The following MEGF11 variants were observed in gnomAD, a reference collection of about 807,000 sequenced individuals.
MEGF11 encodes multiple EGF like domains 11.
Under a neutral mutation model 146.6 loss-of-function variants are expected in MEGF11, and 126 were observed. The ratio of observed to expected loss-of-function variants is 0.86; its 90% CI spans 0.74 to 1.00. The LOEUF is 1.00. Among genes scored for constraint, MEGF11 ranks in the 50% least tolerant of loss-of-function variants. The probability of loss-of-function intolerance (pLI) is 0.00; values close to 1 mark genes in which losing one functional copy is unlikely to be tolerated. For synonymous variants in MEGF11, 532 were observed against 583.4 expected (o/e 0.91, Z 1.27); for missense variants, 1,509 against 1,521.2 (o/e 0.99, Z 0.13).
chr15:66,202,900 C>A (rs1056410454), intron 1 of MEGF11, among the ~76,000 whole-genome samples: 3 of 152,198 alleles, frequency 2.0e-5, no homozygotes, highest in Non-Finnish European at 4.4e-5. Flanking sequence ...TTATTTCAGC[C>A]GTGCTGACCT....
intron 4 of MEGF11, among the ~76,000 whole-genome samples, chr15:66,095,189 G>T (rs4776725): frequency 6.6e-6 from 1 of 152,238 alleles, no homozygotes; most frequent in Non-Finnish European, 1.5e-5. Flanking sequence ...CAGGCAGTTT[G>T]CCTCAACCAC....
intron 1 of MEGF11, among the ~76,000 whole-genome samples, chr15:66,173,118 T>G (rs2090305988): frequency 6.6e-6 from 1 of 152,142 alleles, no homozygotes; most frequent in Non-Finnish European, 1.5e-5. Context: ...TTTCAGTGGC[T>G]CTGTAGCCTG....
chr15:66,249,368 C>A (rs1351317530), intron 1 of MEGF11, among the ~76,000 whole-genome samples: 2 of 152,082 alleles, frequency 1.3e-5, no homozygotes, highest in African/African-American at 4.8e-5. Flanking sequence ...ACCACCCAGG[C>A]CATGGAAGTT....
intron 5 of MEGF11, among the ~76,000 whole-genome samples, chr15:66,003,285 C>T (rs1041301210): frequency 7.2e-5 from 11 of 152,084 alleles, no homozygotes; most frequent in Admixed American, 2.6e-4. Flanking sequence ...TGAGTCACCA[C>T]GCCTGGCCCA....
At chr15:66,130,730 G>GAGGGAGGAAGGAAGGAAAGA (rs56371892) in intron 1 of MEGF11, among the ~76,000 whole-genome samples, 2 of 140,980 alleles carry the variant, frequency 1.4e-5, no homozygotes, top group African/African-American at 5.2e-5. Flanking sequence ...AAGAGGGAGG[G>GAGGGAGGAAGGAAGGAAAGA]AGGAAGGAAG....
chr15:66,082,735 G>A (rs189445245), intron 5 of MEGF11, among the ~76,000 whole-genome samples: 292 of 144,710 alleles, frequency 2.0e-3, no homozygotes, highest in African/African-American at 7.3e-3. Context: ...TGCACACAGC[G>A]GGAGCACAAA....
intron 5 of MEGF11, among the ~76,000 whole-genome samples, chr15:65,993,710 G>A (rs1403223334): frequency 6.6e-6 from 1 of 152,206 alleles, no homozygotes; most frequent in Non-Finnish European, 1.5e-5. Context: ...TCCCAGCCAT[G>A]TAGGCTCTGA....
At chr15:66,050,516 G>A (rs1163536094) in intron 5 of MEGF11, among the ~76,000 whole-genome samples, 1 of 152,200 alleles carries the variant, frequency 6.6e-6, no homozygotes, top group Non-Finnish European at 1.5e-5. Context: ...GGAGGTCAGG[G>A]AGGCTAGCAA....
At chr15:66,001,303 C>G (rs1364953024) in intron 5 of MEGF11, among the ~76,000 whole-genome samples, 1 of 152,078 alleles carries the variant, frequency 6.6e-6, no homozygotes, top group African/African-American at 2.4e-5. Flanking sequence ...CCTCGTGGCT[C>G]TGTCTGGCTG....
intron 1 of MEGF11, among the ~76,000 whole-genome samples, chr15:66,229,639 A>G (rs1313334855): frequency 6.6e-6 from 1 of 152,110 alleles, no homozygotes; most frequent in Non-Finnish European, 1.5e-5. Flanking sequence ...GGCCCTTCCG[A>G]GGCTGCATAC....
At chr15:65,941,550 G>A (rs1229524360) in intron 10 of MEGF11, among the ~76,000 whole-genome samples, 3 of 152,176 alleles carry the variant, frequency 2.0e-5, no homozygotes, top group African/African-American at 7.2e-5. Flanking sequence ...CATCCAGGGT[G>A]CTCCTAGGGA....
At chr15:66,097,418 T>C (rs1233076936) in intron 4 of MEGF11, among the ~76,000 whole-genome samples, 3 of 152,160 alleles carry the variant, frequency 2.0e-5, no homozygotes, top group Admixed American at 6.5e-5. Context: ...GTGGGTGCCC[T>C]AAGCTCTTTC....
At chr15:66,136,047 T>C (rs886764688) in intron 1 of MEGF11, among the ~76,000 whole-genome samples, 1 of 152,184 alleles carries the variant, frequency 6.6e-6, no homozygotes, top group Non-Finnish European at 1.5e-5. Context: ...TTGCGCCATC[T>C]CCCAGCTGCA....
At chr15:65,912,010 T>C (rs928152889) in intron 21 of MEGF11, 72 bp downstream of exon 21, 3 of 892,862 alleles carry the variant, frequency 3.4e-6, no homozygotes, top group South Asian at 1.2e-4. Context: ...GGCGTGCAGT[T>C]CCTTCCTGGG....
intron 5 of MEGF11, among the ~76,000 whole-genome samples, chr15:66,072,638 C>T (rs2085416175): frequency 1.3e-5 from 2 of 152,314 alleles, no homozygotes; most frequent in Middle Eastern, 3.4e-3. Flanking sequence ...GTAATCAGTG[C>T]TACAAGTCCA....
intron 9 of MEGF11, among the ~76,000 whole-genome samples, chr15:65,958,074 A>C (rs2080721961): frequency 6.6e-6 from 1 of 152,216 alleles, no homozygotes; most frequent in Admixed American, 6.5e-5. Flanking sequence ...TGGCTTATAG[A>C]CTATGCAGTC....
At chr15:66,147,794 T>C (rs908734343) in intron 1 of MEGF11, among the ~76,000 whole-genome samples, 3 of 152,214 alleles carry the variant, frequency 2.0e-5, no homozygotes, top group East Asian at 3.8e-4. Flanking sequence ...CTGAGATAAA[T>C]GGGCAGCCAT....
At chr15:66,079,218 G>T (rs560931307) in intron 5 of MEGF11, among the ~76,000 whole-genome samples, 1 of 152,232 alleles carries the variant, frequency 6.6e-6, no homozygotes, top group East Asian at 1.9e-4. Flanking sequence ...TTCTTGGGGG[G>T]ACAGATGAGG....
chr15:66,026,341 G>A (rs2083330817), intron 5 of MEGF11, among the ~76,000 whole-genome samples: 1 of 152,228 alleles, frequency 6.6e-6, no homozygotes, highest in Admixed American at 6.5e-5. Flanking sequence ...ACTTTGAGTA[G>A]CACTGCTTGA....
Sources: gnomAD v4.1 joint callset for allele counts (sites outside exome capture counted in the v4.1 genomes callset) on GRCh38, gnomAD v4.1.1 for gene constraint, MANE v1.5 for transcripts, NCBI Gene and HGNC (gene_info 2026-07-23, HGNC 2026-07-21) for gene names.